Variants in STXBP5L observed in about 807,000 individuals in gnomAD.
The protein encoded by STXBP5L is syntaxin binding protein 5L.
In STXBP5L, 65 loss-of-function variants were observed where a neutral mutation model predicts 144.5. That is an observed-to-expected ratio of 0.45 (90% CI 0.37 to 0.55). The LOEUF is 0.55. STXBP5L is among the 20% of genes least tolerant of loss of function. The probability of loss-of-function intolerance (pLI) is 0.00; values close to 1 mark genes in which losing one functional copy is unlikely to be tolerated. For missense variants in STXBP5L, 1,298 were observed against 1,405.5 expected (o/e 0.92, Z 1.22); for synonymous variants, 505 against 469.6 (o/e 1.08, Z -0.97).
At chr3:121,222,101 TA>T (rs1453708114) in intron 10 of STXBP5L, among the ~76,000 whole-genome samples, 1 of 152,040 alleles carries the variant, frequency 6.6e-6, no homozygotes, top group Non-Finnish European at 1.5e-5. Context: ...TCTAGGTCTT[TA>T]AAAAAATTAG....
At chr3:121,216,567 G>A (rs1321717941) in intron 10 of STXBP5L, among the ~76,000 whole-genome samples, 1 of 152,194 alleles carries the variant, frequency 6.6e-6, no homozygotes, top group Non-Finnish European at 1.5e-5. Context: ...CTTCGTCTTA[G>A]AGGGACACCC....
chr3:121,302,594 T>A (rs1466524910), intron 19 of STXBP5L, among the ~76,000 whole-genome samples: 1 of 152,188 alleles, frequency 6.6e-6, no homozygotes, highest in Admixed American at 6.5e-5. Flanking sequence ...AGCTTTTGAA[T>A]GTGTTTGCTC....
intron 20 of STXBP5L, among the ~76,000 whole-genome samples, chr3:121,337,779 C>T (rs1576210089): frequency 1.3e-5 from 2 of 152,234 alleles, no homozygotes; most frequent in African/African-American, 2.4e-5. Context: ...GCACATGGAA[C>T]ATTCTCCAAA....
chr3:120,984,358 T>A (rs997188053), intron 3 of STXBP5L, among the ~76,000 whole-genome samples: 2 of 152,176 alleles, frequency 1.3e-5, no homozygotes, highest in African/African-American at 2.4e-5. Context: ...GAACTCAGGA[T>A]AGTATTCTCA....
At chr3:121,313,759 AC>A (rs1160510052) in intron 19 of STXBP5L, among the ~76,000 whole-genome samples, 1 of 129,110 alleles carries the variant, frequency 7.7e-6, no homozygotes, top group East Asian at 2.5e-4. Context: ...TCCCTCCCGG[AC>A]GGGGTGGCTG....
intron 19 of STXBP5L, among the ~76,000 whole-genome samples, chr3:121,306,810 A>G (rs573849263): frequency 6.6e-6 from 1 of 152,198 alleles, no homozygotes; most frequent in South Asian, 2.1e-4. Flanking sequence ...ATGACCCCTT[A>G]TCAAATTAAA....
chr3:121,279,576 G>A lies in STXBP5L; in HGVS notation c.1959-229G>A, dbSNP rs548117443. ...CACGACTTACATGATAAAACTGCTG[G>A]CAAAATATAATTGCCGATCATCCTT... is the stretch of plus-strand genomic sequence containing the variant. On this transcript the variant is annotated intron_variant, in intron 18 of 26. Coordinates refer to ENST00000471454, the MANE Select transcript of STXBP5L (RefSeq NM_001308330.2). 3.3e-5 allele frequency among the ~76,000 whole-genome samples: 5 copies of A among 151,920 alleles called. No homozygotes were observed. In the South Asian group the frequency reaches 1.0e-3, roughly 32 times the overall value.
chr3:121,153,314 G>A (rs2045996225), intron 8 of STXBP5L, among the ~76,000 whole-genome samples: 1 of 151,992 alleles, frequency 6.6e-6, no homozygotes, highest in Non-Finnish European at 1.5e-5. Flanking sequence ...AGATTAAAAG[G>A]GAAATTACCT....
At position 121,152,478 on chromosome 3, in the gene STXBP5L, T is replaced by G; in HGVS notation, c.671T>G (p.Leu224Arg). The G allele has an allele frequency of 6.3e-7, 1 of 1,593,570 alleles. No homozygotes were observed. The highest frequency in any genetic ancestry group is 8.5e-7 in the Non-Finnish European group (1 of 1,170,404). Residue 224 changes from leucine (L) to arginine (R), a missense_variant and splice_region_variant, in exon 8 of 27, where the codon CTG becomes CGG. Coordinates refer to ENST00000471454, the MANE Select transcript of STXBP5L (RefSeq NM_001308330.2). Reference protein sequence around the residue: ...LSDSPRDEGKLLIGYENGTVV... With the variant: ...LSDSPRDEGKRLIGYENGTVV... Reference sequence around the variant, plus strand: ...AATGATTGTTCTAATGTTTTCCAGCTGCTAATAGGTTATGAAAATGGTACT... The same window carrying G: ...AATGATTGTTCTAATGTTTTCCAGCGGCTAATAGGTTATGAAAATGGTACT...
intron 17 of STXBP5L, among the ~76,000 whole-genome samples, chr3:121,258,049 C>A (rs1161013356): frequency 2.0e-5 from 3 of 152,138 alleles, no homozygotes; most frequent in Admixed American, 2.0e-4. Flanking sequence ...AAAAGGATTT[C>A]TCTCATGATT....
At chr3:121,202,373 C>A (rs2048173029) in intron 9 of STXBP5L, among the ~76,000 whole-genome samples, 1 of 152,084 alleles carries the variant, frequency 6.6e-6, no homozygotes, top group African/African-American at 2.4e-5. Flanking sequence ...ATATACAGAT[C>A]TCACAATACA....
chr3:121,124,700 T>C (rs75710055), intron 7 of STXBP5L, among the ~76,000 whole-genome samples: 6 of 152,096 alleles, frequency 3.9e-5, no homozygotes, highest in Admixed American at 6.6e-5. Context: ...ATATTCTATT[T>C]ATAAAAACTG....
chr3:121,308,797 G>T (rs909873825), intron 19 of STXBP5L, among the ~76,000 whole-genome samples: 2 of 151,934 alleles, frequency 1.3e-5, no homozygotes, highest in African/African-American at 4.8e-5. Context: ...ATATAAAGTA[G>T]TAATTATAAT....
chr3:121,038,955 T>C (rs538585669), intron 3 of STXBP5L, among the ~76,000 whole-genome samples: 1 of 152,070 alleles, frequency 6.6e-6, no homozygotes, highest in African/African-American at 2.4e-5. Flanking sequence ...TTCTATGTTT[T>C]AACTTTTAAC....
intron 5 of STXBP5L, among the ~76,000 whole-genome samples, chr3:121,070,834 T>C (rs1346613461): frequency 6.6e-6 from 1 of 152,170 alleles, no homozygotes; most frequent in African/African-American, 2.4e-5. Context: ...TTCTGTTTTG[T>C]TTACAAGTTT....
chr3:120,994,184 A>G (rs1038595416), intron 3 of STXBP5L, among the ~76,000 whole-genome samples: 1 of 151,886 alleles, frequency 6.6e-6, no homozygotes, highest in Non-Finnish European at 1.5e-5. Flanking sequence ...AGTTCTAAGA[A>G]TTTTTTGGTG....
At chr3:121,006,298 A>C (rs574711275) in intron 3 of STXBP5L, among the ~76,000 whole-genome samples, 29 of 152,188 alleles carry the variant, frequency 1.9e-4, no homozygotes, top group African/African-American at 7.0e-4. Context: ...TCCCTTTACC[A>C]TTATGTAATG....
intron 3 of STXBP5L, among the ~76,000 whole-genome samples, chr3:120,996,703 A>T (rs891987959): frequency 5.3e-5 from 8 of 152,286 alleles, no homozygotes; most frequent in Non-Finnish European, 7.4e-5. Context: ...GTGTAATCAC[A>T]CACTGTTTTT....
At position 121,259,054 on chromosome 3, in the gene STXBP5L, G is replaced by T. The variant is rs752435475; in HGVS notation, c.1844G>T (p.Arg615Leu). 3 of 1,599,114 alleles carry T rather than the reference G, an allele frequency of 1.9e-6. No individual in the cohort carries two copies. The highest frequency in any genetic ancestry group is 2.6e-6 in the Non-Finnish European group (3 of 1,171,544). Residue 615 changes from arginine to leucine, a missense_variant, in exon 18 of 27, where the codon CGG becomes CTG. Transcript: ENST00000471454. ...TTTTGTTCTTAAAGTGTGAAGACAC[G>T]GCCAGTGCGAATGCCTCCAGGATAT... ...DSIPCLNVKT[R>L]PVRMPPGYQA...
Sources: allele counts gnomAD v4.1 joint callset (sites outside exome capture counted in the v4.1 genomes callset), GRCh38; gene constraint gnomAD v4.1.1; transcripts MANE v1.5; gene names NCBI Gene and HGNC (gene_info 2026-07-23, HGNC 2026-07-21).